Variants in PLB1 observed in about 807,000 individuals in gnomAD.
PLB1 encodes phospholipase B1.
A neutral mutation model predicts 227.4 loss-of-function variants in PLB1; 242 were observed. That is an observed-to-expected ratio of 1.06 (90% CI 0.96 to 1.18). PLB1 has a LOEUF of 1.18. Ranked by LOEUF, PLB1 falls within the 50% of genes most tolerant of loss-of-function variation. The pLI, the probability that PLB1 is intolerant of heterozygous loss-of-function variation, is 0.00. For synonymous variants in PLB1, 757 were observed against 682.2 expected, an observed-to-expected ratio of 1.11 and a Z score of -1.71; for missense variants, 1,858 against 1,816.3, an observed-to-expected ratio of 1.02 and a Z score of -0.42.
intron 14 of PLB1, chr2:28,548,601 A>ATAT (rs1553419154): frequency 7.4e-5 from 40 of 539,166 alleles, no homozygotes; most frequent in Admixed American, 1.0e-4. Flanking sequence ...ATATATATAT[A>ATAT]AAACCGATGC....
In PLB1 at chr2:28,632,126, ACC is replaced by A. The variant is rs1558966045; in HGVS notation, c.3991_3992del (p.Pro1331ThrfsTer8). 6.2e-7 allele frequency: 1 copy of A among 1,611,982 alleles called. No homozygotes were observed. Among genetic ancestry groups the A allele is most frequent in the African/African-American group, 1.3e-5 (1 of 74,366 alleles). On this transcript the variant is annotated frameshift_variant, in exon 55 of 58. Transcript: ENST00000327757. LOFTEE classifies it high-confidence loss of function. ...GCAGCCTTTCTTCCAAAACACACTC[ACC>A]CCACTGAACGAGGTGAGCTGCAGGT... ...VVQPFFQNTL[T>X]PLNERGDTDL...
At chr2:28,512,566 A>G (rs749607948) in intron 1 of PLB1, among the ~76,000 whole-genome samples, 32 of 151,634 alleles carry the variant, frequency 2.1e-4, no homozygotes, top group Non-Finnish European at 3.7e-4. Flanking sequence ...TTCTGTTTTT[A>G]TTTTTCTGAG....
At chr2:28,571,966 T>C (rs1375528448) in intron 20 of PLB1, among the ~76,000 whole-genome samples, 3 of 152,068 alleles carry the variant, frequency 2.0e-5, no homozygotes, top group Non-Finnish European at 4.4e-5. Context: ...ATATCATATA[T>C]CAAAGAAAGT....
intron 6 of PLB1, 102 bp downstream of exon 6, chr2:28,526,047 T>C (rs1182486147): frequency 1.5e-6 from 2 of 1,352,888 alleles, no homozygotes; most frequent in African/African-American, 2.9e-5. Context: ...AGCCACTTTA[T>C]CACTGGAGCC....
At chr2:28,514,571 A>G (rs1420053498) in intron 1 of PLB1, among the ~76,000 whole-genome samples, 1 of 152,228 alleles carries the variant, frequency 6.6e-6, no homozygotes, top group Non-Finnish European at 1.5e-5. Flanking sequence ...AAATAAATTT[A>G]ATTTGTTTAC....
rs143535260 is a variant in PLB1, at chr2:28,601,296, C to T, written c.2571C>T (p.Ile857=). 558 of 1,614,074 alleles carry T rather than the reference C, an allele frequency of 3.5e-4. 8 individuals are homozygous for T. In the South Asian group the frequency reaches 3.7e-3, roughly 11 times the overall value. ...ACTGGAAGGTCATCACAGTGCTGAT[C>T]GGAGGCAGCGATTTATGTGACTACT... ...HEDWKVITVL[I]GGSDLCDYCT... The change falls in exon 37 of 58, where the codon ATC becomes ATT. Residue 857 remains isoleucine, a synonymous_variant. Transcript: ENST00000327757.
rs79346479 is a variant in PLB1 at position 28,556,151 on chromosome 2, C to T, written c.1147+3160C>T. On this transcript the variant is annotated intron_variant, in intron 17 of 57. Coordinates refer to ENST00000327757, the MANE Select transcript of PLB1 (RefSeq NM_153021.5). ...GTGCTGGGATTATAGGCATAAGCTA[C>T]CATACTGGTCCAAAGTTATTTTCAA... 7.3e-3 allele frequency among the ~76,000 whole-genome samples: 1,112 copies of T among 152,306 alleles called. 17 individuals carry two copies. Among genetic ancestry groups the T allele is most frequent in the African/African-American group, 0.025 (1,058 of 41,576 alleles).
chr2:28,539,200 G>A (rs775553207), intron 11 of PLB1, 22 bp downstream of exon 11: 1 of 1,593,978 alleles, frequency 6.3e-7, no homozygotes, highest in East Asian at 2.2e-5. Flanking sequence ...AGTGGAATGA[G>A]ACACGCATCT....
intron 43 of PLB1, among the ~76,000 whole-genome samples, chr2:28,606,921 C>A (rs1684762800): frequency 6.6e-6 from 1 of 152,086 alleles, no homozygotes; most frequent in African/African-American, 2.4e-5. Flanking sequence ...ATGAAAAAAT[C>A]TGACTGCAGG....
chr2:28,604,867 TC>T, intron 41 of PLB1, 108 bp downstream of exon 41: 3 of 1,005,748 alleles, frequency 3.0e-6, no homozygotes, highest in Non-Finnish European at 4.4e-6. Flanking sequence ...GACACAGCTC[TC>T]CAGACGCTGT....
At chr2:28,537,203 G>C (rs573931218) in intron 9 of PLB1, among the ~76,000 whole-genome samples, 3 of 152,200 alleles carry the variant, frequency 2.0e-5, no homozygotes, top group African/African-American at 4.8e-5. Flanking sequence ...ATTTCCTCCT[G>C]TGTGGTGCCA....
chr2:28,588,009 T>C (rs78031497), intron 26 of PLB1, among the ~76,000 whole-genome samples: 2 of 152,184 alleles, frequency 1.3e-5, no homozygotes, highest in Non-Finnish European at 2.9e-5. Context: ...GGCCCTGATC[T>C]AGTGTTTTGG....
intron 11 of PLB1, among the ~76,000 whole-genome samples, chr2:28,539,680 C>T (rs1179533029): frequency 1.3e-5 from 2 of 151,708 alleles, no homozygotes; most frequent in African/African-American, 2.4e-5. Context: ...AGGGCAAGGG[C>T]GGTGGAGAAA....
chr2:28,619,524 G>GT (rs1054121256), intron 46 of PLB1, among the ~76,000 whole-genome samples: 2,780 of 47,206 alleles, frequency 0.059, 31 homozygotes, highest in Non-Finnish European at 0.071. Context: ...TCAAGGTTTT[G>GT]TTTTTTTTTT....
At chr2:28,516,757 G>A in intron 1 of PLB1, 51 bp from the exon 2 acceptor site, 3 of 1,536,640 alleles carry the variant, frequency 2.0e-6, no homozygotes, top group South Asian at 2.2e-5. Flanking sequence ...ACAAATTTGG[G>A]TGGGAGTTAA....
chr2:28,643,961 G>T lies in PLB1; in HGVS notation c.*900G>T, dbSNP rs957350924. 5.9e-5 allele frequency among the ~76,000 whole-genome samples: 9 copies of T among 152,210 alleles called. No individual in the cohort carries two copies. Among genetic ancestry groups the T allele is most frequent in the African/African-American group, 1.9e-4 (8 of 41,456 alleles). The stretch of plus-strand genomic sequence containing the variant: ...CCGTGCTGGAGGCCTTCCACAGATG[G>T]TCTCTTTTATGCTGCACAAAAGCCC... On this transcript the variant is annotated 3_prime_UTR_variant, in exon 58 of 58. Transcript: ENST00000327757.
chr2:28,593,332 G>A (rs983656940), intron 32 of PLB1, among the ~76,000 whole-genome samples: 11 of 152,232 alleles, frequency 7.2e-5, no homozygotes, highest in Non-Finnish European at 1.6e-4. Flanking sequence ...CATAAAGAAC[G>A]TAGGGGCATA....
chr2:28,529,845 AGTG>A lies in PLB1; in HGVS notation c.468+67_468+69del. 4 of 1,490,232 alleles carry A rather than the reference AGTG, an allele frequency of 2.7e-6. No individual in the cohort carries two copies. In the East Asian group the frequency reaches 9.0e-5, roughly 34 times the overall value. 92.3% of individuals were successfully genotyped at this position (1,490,232 alleles called of 1,614,324 possible). On this transcript the variant is annotated intron_variant, in intron 8 of 57. Transcript: ENST00000327757. ...CTTTGCTGCAAGGCGGGCAGACCGA[AGTG>A]ATGATGACCCTCGTACCATTTTACC...
chr2:28,525,854 G>T (rs757173393), intron 5 of PLB1, 51 bp from the exon 6 acceptor site: 4 of 1,606,678 alleles, frequency 2.5e-6, no homozygotes, highest in Non-Finnish European at 2.6e-6. Context: ...AGGGCTATTG[G>T]CAGGTGACAC....
Sources: allele counts gnomAD v4.1 joint callset (sites outside exome capture counted in the v4.1 genomes callset), GRCh38; gene constraint gnomAD v4.1.1; transcripts MANE v1.5; gene names NCBI Gene and HGNC (gene_info 2026-07-23, HGNC 2026-07-21).